Variants in PTPRN2 observed in about 807,000 individuals in gnomAD.
PTPRN2 encodes the protein protein tyrosine phosphatase receptor type N2.
In PTPRN2, 74 loss-of-function variants were observed where a neutral mutation model predicts 118.8. The observed-to-expected ratio is 0.62, with a 90% CI of 0.52 to 0.76. The LOEUF (loss-of-function observed/expected upper bound fraction) is 0.76. Among genes scored for constraint, PTPRN2 ranks in the 30% least tolerant of loss-of-function variants. The pLI is 0.00. For synonymous variants in PTPRN2, 641 were observed against 608.0 expected, an observed-to-expected ratio of 1.05 and a Z score of -0.80; for missense variants, 1,481 against 1,394.4, an observed-to-expected ratio of 1.06 and a Z score of -0.99.
rs2151097314 is a variant in PTPRN2, at chr7:157,801,488, A to T, written c.1788+97185T>A. 6.6e-6 allele frequency among the ~76,000 whole-genome samples: 1 copy of T among 152,208 alleles called. No individual in the cohort carries two copies. The highest frequency in any genetic ancestry group is 2.4e-5 in the African/African-American group (1 of 41,526). On this transcript the variant is annotated intron_variant, in intron 12 of 22. Transcript: ENST00000389418. This position sits in a 1 kb window ranked among gnomAD's most constrained non-coding sequence, Gnocchi z 4.2. ...AGCTGCATGGATTTTTTTAATGTCA[A>T]ATTCCATATGAAACAGCACAAATCC...
intron 3 of PTPRN2, among the ~76,000 whole-genome samples, chr7:158,296,371 A>T (rs947085364): frequency 2.6e-4 from 40 of 152,126 alleles, no homozygotes; most frequent in African/African-American, 9.4e-4. Context: ...TTCCCAGTCC[A>T]TCTCCCTCTG....
chr7:158,287,700 ATCT>A (rs1799855198), intron 3 of PTPRN2, among the ~76,000 whole-genome samples: 1 of 152,048 alleles, frequency 6.6e-6, no homozygotes, highest in Non-Finnish European at 1.5e-5. Flanking sequence ...TGTGATTTGA[ATCT>A]TCTTAAATTT....
chr7:157,973,577 C>T (rs1802502312), intron 11 of PTPRN2, among the ~76,000 whole-genome samples: 1 of 152,158 alleles, frequency 6.6e-6, no homozygotes, highest in South Asian at 2.1e-4. Flanking sequence ...ACAGCCACAG[C>T]CGGGTGGGGC....
intron 21 of PTPRN2, among the ~76,000 whole-genome samples, chr7:157,557,795 GT>G (rs201477736): frequency 4.0e-5 from 6 of 150,808 alleles, no homozygotes; most frequent in East Asian, 3.9e-4. Context: ...TATTTCTTAT[GT>G]TTTTTTTTCC....
chr7:157,666,437 A>G (rs890806787), intron 13 of PTPRN2, among the ~76,000 whole-genome samples: 3 of 152,196 alleles, frequency 2.0e-5, no homozygotes, highest in Non-Finnish European at 2.9e-5. Flanking sequence ...TCCATAGTAA[A>G]ATATCAATGA....
At chr7:158,463,198 T>C (rs1200931300) in intron 2 of PTPRN2, among the ~76,000 whole-genome samples, 1 of 152,142 alleles carries the variant, frequency 6.6e-6, no homozygotes, top group African/African-American at 2.4e-5. Flanking sequence ...AGCCCCTCAA[T>C]ATGCAAGTAC....
At chr7:158,132,066 C>G (rs567588509) in intron 9 of PTPRN2, among the ~76,000 whole-genome samples, 2 of 151,788 alleles carry the variant, frequency 1.3e-5, no homozygotes, top group South Asian at 4.2e-4. Flanking sequence ...CAAACCGATA[C>G]ACATCTACCT....
Position 157,603,947 on chromosome 7 carries a change from G to T in PTPRN2, c.2418+55C>A. On this transcript the variant is annotated intron_variant, in intron 16 of 22. Transcript: ENST00000389418. The surrounding 1 kb of genome is among the most constrained non-coding windows in gnomAD (Gnocchi z 5.4). ...CGAGAACCTTCCCACGTGATTTGCC[G>T]CGTCCGTGCCACCCAAGGGAAAGCC... 1 of 1,519,974 alleles carries T rather than the reference G, an allele frequency of 6.6e-7. No homozygotes were observed. The allele number at this position is 1,519,974 out of a possible 1,614,324, so 94.2% of individuals were successfully genotyped here. A position where few individuals can be genotyped will look rare whatever the true frequency, so the allele number is the denominator to read the frequency against.
intron 12 of PTPRN2, among the ~76,000 whole-genome samples, chr7:157,887,527 T>C (rs1584954040): frequency 7.9e-5 from 1 of 12,610 alleles, no homozygotes; most frequent in Non-Finnish European, 1.3e-4. Flanking sequence ...CAGTACCCGC[T>C]TCCCCCAGTA....
At chr7:158,142,088 A>C (rs144271668) in intron 6 of PTPRN2, among the ~76,000 whole-genome samples, 1,759 of 152,302 alleles carry the variant, frequency 0.012, 17 homozygotes, top group Non-Finnish European at 0.02. Flanking sequence ...TGATGCTCTG[A>C]CATCTGGGGC....
intron 3 of PTPRN2, among the ~76,000 whole-genome samples, chr7:158,249,630 G>A (rs541325470): frequency 6.6e-6 from 1 of 152,296 alleles, no homozygotes; most frequent in African/African-American, 2.4e-5. Context: ...TGGCTGATGA[G>A]TCTCCCAGTT....
chr7:157,709,564 G>A (rs539352394), intron 12 of PTPRN2, among the ~76,000 whole-genome samples: 3 of 152,128 alleles, frequency 2.0e-5, no homozygotes, highest in African/African-American at 7.2e-5. Context: ...AATTCCCTGC[G>A]AGCCCCCCAG....
At chr7:158,212,181 G>A (rs910823024) in intron 3 of PTPRN2, among the ~76,000 whole-genome samples, 1 of 152,030 alleles carries the variant, frequency 6.6e-6, no homozygotes, top group Admixed American at 6.5e-5. Context: ...TGAACTTATA[G>A]AGAGTAGAAC....
At chr7:157,722,601 C>T (rs746633839) in intron 12 of PTPRN2, among the ~76,000 whole-genome samples, 5 of 152,174 alleles carry the variant, frequency 3.3e-5, no homozygotes, top group East Asian at 1.9e-4. Flanking sequence ...GCAACTCCTG[C>T]GTGGCCCGAG....
At chr7:158,140,305 A>C (rs1287395760) in intron 6 of PTPRN2, among the ~76,000 whole-genome samples, 3 of 152,228 alleles carry the variant, frequency 2.0e-5, no homozygotes, top group African/African-American at 7.2e-5. Flanking sequence ...CAGAGAAAGG[A>C]AAGTCTTTTC....
rs533244020 is a variant in PTPRN2, at chr7:158,529,732, G to A, written c.113-39947C>T. The stretch of plus-strand genomic sequence containing the variant: ...AGCCCCAGGGGCTGTGGGGAGGGGC[G>A]GTCACCAGAAGGGGCCAGGCGGGAG... On this transcript the variant is annotated intron_variant, in intron 1 of 22. Transcript: ENST00000389418. This position sits in a 1 kb window ranked among gnomAD's most constrained non-coding sequence, Gnocchi z 4.7. Among the ~76,000 whole-genome samples, 17 of 152,172 alleles carry A rather than the reference G, an allele frequency of 1.1e-4. No individual in the cohort carries two copies. The South Asian group carries it at 1.7e-3, about 15-fold the overall frequency.
chr7:158,175,098 T>C (rs969951431), intron 5 of PTPRN2, among the ~76,000 whole-genome samples: 3 of 152,192 alleles, frequency 2.0e-5, no homozygotes, highest in Non-Finnish European at 4.4e-5. Context: ...CTGCCCATGC[T>C]CATCAGCTAT....
At chr7:158,135,215 T>A (rs1363291894) in intron 8 of PTPRN2, among the ~76,000 whole-genome samples, 1 of 152,226 alleles carries the variant, frequency 6.6e-6, no homozygotes, top group Admixed American at 6.5e-5. Flanking sequence ...CAAAACACAC[T>A]TTTAAGAAAA....
chr7:158,063,581 C>A (rs1280060595), intron 11 of PTPRN2, among the ~76,000 whole-genome samples: 1 of 152,204 alleles, frequency 6.6e-6, no homozygotes, highest in Non-Finnish European at 1.5e-5. Flanking sequence ...AATCTTGCTG[C>A]TGCTCACTCT....
Sources: allele counts gnomAD v4.1 joint callset (sites outside exome capture counted in the v4.1 genomes callset), GRCh38; gene constraint gnomAD v4.1.1; non-coding constraint Gnocchi (gnomAD v3.1); transcripts MANE v1.5; gene names NCBI Gene and HGNC (gene_info 2026-07-23, HGNC 2026-07-21).